Variants in ANKRD31 observed in about 807,000 individuals in gnomAD.
ANKRD31 encodes ankyrin repeat domain 31.
A neutral mutation model predicts 186.0 loss-of-function variants in ANKRD31; 147 were observed. That is an observed-to-expected ratio of 0.79 (90% confidence interval 0.69 to 0.91). The LOEUF (loss-of-function observed/expected upper bound fraction) is 0.91, where lower values mean the gene tolerates loss of function less well. Ranked by LOEUF, ANKRD31 falls within the 40% of genes least tolerant of loss-of-function variation. ANKRD31 has a pLI of 0.00. For synonymous variants in ANKRD31, 673 were observed against 736.4 expected (o/e 0.91, Z 1.39); for missense variants, 1,986 against 2,148.8 (o/e 0.92, Z 1.50).
At chr5:75,107,471 A>G in intron 21 of ANKRD31, 50 bp downstream of exon 21, 1 of 1,281,620 alleles carries the variant, frequency 7.8e-7, no homozygotes, top group Non-Finnish European at 1.1e-6. Context: ...CTAAAAATGG[A>G]TAAATTCTAG....
chr5:75,230,139 C>T (rs1757864347), intron 2 of ANKRD31, among the ~76,000 whole-genome samples: 1 of 151,892 alleles, frequency 6.6e-6, no homozygotes. Flanking sequence ...TGGTTCCTGC[C>T]TTGAGCCCTG....
intron 6 of ANKRD31, among the ~76,000 whole-genome samples, chr5:75,199,084 T>A (rs1755650472): frequency 6.6e-6 from 1 of 152,152 alleles, no homozygotes; most frequent in Admixed American, 6.5e-5. Flanking sequence ...AGTATGGGCC[T>A]ACAGTCCTAG....
chr5:75,169,066 T>A lies in ANKRD31; in HGVS notation c.1620A>T (p.Glu540Asp). The A allele has an allele frequency of 1.3e-6, 2 of 1,537,026 alleles. No individual in the cohort carries two copies. The highest frequency in any genetic ancestry group is 1.7e-6 in the Non-Finnish European group (2 of 1,146,610). ...SVGGFYRTASELLKGGADVNI... is the reference protein window; with the variant it reads ...SVGGFYRTASDLLKGGADVNI... ...TTACATCTGCTCCACCTTTTAATAGTTCACTTGCTGTCCGATAAAATCCTC... is the reference window on the plus strand; with the variant it reads ...TTACATCTGCTCCACCTTTTAATAGATCACTTGCTGTCCGATAAAATCCTC... The change falls in exon 11 of 26, where the codon GAA (glutamate) becomes GAT (aspartate). Residue 540 changes from glutamate to aspartate, a missense_variant. Glu to Asp is a conservative substitution (Grantham distance 45, BLOSUM62 2). Transcript: ENST00000506364.
At chr5:75,132,287 G>A (rs530371706) in intron 17 of ANKRD31, among the ~76,000 whole-genome samples, 5 of 152,262 alleles carry the variant, frequency 3.3e-5, no homozygotes, top group African/African-American at 1.2e-4. Context: ...TTAGACGAAT[G>A]GCTAACTAGA....
At chr5:75,080,511 G>A (rs1395938060) in intron 25 of ANKRD31, 57 bp downstream of exon 25, 1 of 1,203,160 alleles carries the variant, frequency 8.3e-7, no homozygotes. Context: ...TGCACAATAT[G>A]TAGAATCTAA....
At chr5:75,102,156 G>C (rs1197635638) in intron 22 of ANKRD31, among the ~76,000 whole-genome samples, 1 of 152,188 alleles carries the variant, frequency 6.6e-6, no homozygotes, top group Non-Finnish European at 1.5e-5. Context: ...TAACAGTCAG[G>C]ACCCTCAGCT....
rs1751259468 is a variant in ANKRD31 at position 75,144,191 on chromosome 5, A to G, written c.3425-20T>C. 5.0e-6 allele frequency: 2 copies of G among 396,480 alleles called. No homozygotes were observed. The highest frequency in any genetic ancestry group is 2.1e-5 in the African/African-American group (1 of 48,524). The allele number at this position is 396,480 out of a possible 1,614,324, so 24.6% of individuals were successfully genotyped here. A position where few individuals can be genotyped will look rare whatever the true frequency, so the allele number is the denominator to read the frequency against. On this transcript the variant is annotated intron_variant, in intron 14 of 25. Transcript: ENST00000506364. ...CCTCATCTGAAACAAACATTTTACA[A>G]TATCAGTGTTGTTGTTCTCCTACCT...
chr5:75,147,652 C>T (rs140766063), intron 13 of ANKRD31, 147 bp from the exon 14 acceptor site: 8,486 of 650,604 alleles, frequency 0.013, 129 homozygotes, highest in South Asian at 0.034. Context: ...GGGATATAGC[C>T]AACCTGATAT....
chr5:75,131,118 C>T (rs79309422), intron 17 of ANKRD31, among the ~76,000 whole-genome samples: 2,366 of 152,272 alleles, frequency 0.016, 73 homozygotes, highest in African/African-American at 0.054. Flanking sequence ...AGCACCGGCC[C>T]GTGAGCACCA....
At chr5:75,130,905 G>C (rs1427113983) in intron 17 of ANKRD31, among the ~76,000 whole-genome samples, 20 of 152,218 alleles carry the variant, frequency 1.3e-4, no homozygotes, top group Admixed American at 1.3e-3. Flanking sequence ...GGGCACTCCG[G>C]TAGCCCAGAG....
intron 17 of ANKRD31, among the ~76,000 whole-genome samples, chr5:75,125,872 T>C (rs1466649632): frequency 6.6e-6 from 1 of 152,162 alleles, no homozygotes; most frequent in Non-Finnish European, 1.5e-5. Context: ...GCAAAGATTA[T>C]GTGACCAAGA....
chr5:75,167,472 T>A (rs1174325101), intron 11 of ANKRD31, among the ~76,000 whole-genome samples: 1 of 152,232 alleles, frequency 6.6e-6, no homozygotes, highest in Admixed American at 6.5e-5. Context: ...GTTTCAACTT[T>A]TAATTTTCAT....
chr5:75,078,523 T>C (rs1420983786), intron 25 of ANKRD31, among the ~76,000 whole-genome samples: 2 of 152,222 alleles, frequency 1.3e-5, no homozygotes, highest in Non-Finnish European at 2.9e-5. Flanking sequence ...TAAATTATTA[T>C]AATGATGGCT....
At chr5:75,171,781 A>G (rs577512246) in intron 10 of ANKRD31, among the ~76,000 whole-genome samples, 1 of 151,912 alleles carries the variant, frequency 6.6e-6, no homozygotes, top group East Asian at 1.9e-4. Flanking sequence ...ATTTATTATC[A>G]AAACTCTCCC....
intron 17 of ANKRD31, 24 bp from the exon 18 acceptor site, chr5:75,118,321 A>C: frequency 7.0e-7 from 1 of 1,419,618 alleles, no homozygotes; most frequent in Non-Finnish European, 9.1e-7. Flanking sequence ...TTTCAAAGTT[A>C]TCTCTACAGA....
In ANKRD31 at chr5:75,068,613, T is replaced by C; in HGVS notation, c.5699A>G (p.Glu1900Gly). ...QSSPRYLQIN[E>G]ILLISDQEFL... Reference sequence around the variant, plus strand: ...TTCTTGATCACTGATTAATAGTATTTCATTTATTTGTAGATAACGTGGGCT... The same window carrying C: ...TTCTTGATCACTGATTAATAGTATTCCATTTATTTGTAGATAACGTGGGCT... Residue 1900 changes from glutamate to glycine, a missense_variant, in exon 26 of 26, where the codon GAA becomes GGA. By Grantham distance (98) the Glu-to-Gly change is moderately conservative. Transcript: ENST00000506364. The C allele has an allele frequency of 7.9e-6, 12 of 1,524,982 alleles. No individual in the cohort carries two copies. The highest frequency in any genetic ancestry group is 1.1e-5 in the Non-Finnish European group (12 of 1,141,838). 94.5% of individuals were successfully genotyped at this position (1,524,982 alleles called of 1,614,324 possible).
intron 22 of ANKRD31, among the ~76,000 whole-genome samples, chr5:75,101,311 C>A (rs1449513500): frequency 2.0e-5 from 3 of 152,140 alleles, no homozygotes; most frequent in African/African-American, 7.2e-5. Context: ...GTCTGATGGG[C>A]TTCCCTTTGT....
intron 2 of ANKRD31, among the ~76,000 whole-genome samples, chr5:75,228,078 A>C (rs1757737908): frequency 6.6e-6 from 1 of 152,348 alleles, no homozygotes; most frequent in South Asian, 2.1e-4. Context: ...CACATAAAGT[A>C]ACTAGTGTAT....
At position 75,196,184 on chromosome 5, in the gene ANKRD31, C is replaced by T. The variant is rs1229007247; in HGVS notation, c.464G>A (p.Arg155Lys). The change falls in exon 7 of 26, where the codon AGA (arginine) becomes AAA (lysine). Residue 155 changes from arginine (R) to lysine (K), a missense_variant. Arg to Lys is a conservative substitution (Grantham distance 26). Coordinates refer to ENST00000506364, the MANE Select transcript of ANKRD31 (RefSeq NM_001372053.1). ...GAGAAGGCTAACTTCAGGAGAATCT[C>T]TGCCTTCACTTAGTTCCTGTGTATT... ...PHIEKELSEG[R>K]DSPEVSLLSG... 1 of 1,478,948 alleles carries T rather than the reference C, an allele frequency of 6.8e-7. No individual in the cohort carries two copies. Among genetic ancestry groups the T allele is most frequent in the Non-Finnish European group, 8.9e-7 (1 of 1,123,012 alleles). 91.6% of individuals were successfully genotyped at this position (1,478,948 alleles called of 1,614,324 possible).
Sources: allele counts gnomAD v4.1 joint callset (sites outside exome capture counted in the v4.1 genomes callset), GRCh38; gene constraint gnomAD v4.1.1; transcripts MANE v1.5; gene names NCBI Gene and HGNC (gene_info 2026-07-23, HGNC 2026-07-21).